NACC1: variants seen among roughly 807,000 people sequenced by gnomAD.
NACC1 encodes nucleus accumbens-associated protein 1.
Under a neutral mutation model 41.7 loss-of-function variants are expected in NACC1, and 6 were observed. That is an observed-to-expected ratio of 0.14 (90% confidence interval 0.08 to 0.28). NACC1 has a LOEUF of 0.28. NACC1 is among the 10% of genes least tolerant of loss of function. NACC1 has a pLI of 1.00. For synonymous variants in NACC1, 338 were observed against 330.6 expected (o/e 1.02, Z -0.24); for missense variants, 434 against 763.7 (o/e 0.57, Z 5.09).
intron 1 of NACC1, among the ~76,000 whole-genome samples, chr19:13,133,373 A>C (rs1319836373): frequency 6.6e-6 from 1 of 151,572 alleles, no homozygotes; most frequent in Non-Finnish European, 1.5e-5. Context: ...AAAAAGAAAA[A>C]AGAATAAACC....
rs757582611 is a variant in NACC1 at position 13,136,210 on chromosome 19, G to A, written c.947-22G>A. 2.6e-5 allele frequency: 41 copies of A among 1,606,842 alleles called. No homozygotes were observed. Among genetic ancestry groups the A allele is most frequent in the Admixed American group, 6.7e-5 (4 of 59,756 alleles). On this transcript the variant is annotated intron_variant, in intron 2 of 5. Transcript: ENST00000292431. This position sits in a 1 kb window ranked among gnomAD's most constrained non-coding sequence, Gnocchi z 5.5. The stretch of plus-strand genomic sequence containing the variant: ...GCCACCCCTGCTCCTCCTGCCACTC[G>A]CGTGCCACTCTCTCCCTGCAGCCGA...
At chr19:13,135,101 G>A (rs1011317050) in intron 1 of NACC1, 99 bp from the exon 2 acceptor site, 2 of 1,441,750 alleles carry the variant, frequency 1.4e-6, no homozygotes, top group Admixed American at 5.7e-5. Flanking sequence ...CCTCCAGCAG[G>A]GGAGGTCTTT....
At position 13,138,556 on chromosome 19, in the gene NACC1, T is replaced by G; in HGVS notation, c.*150T>G. On this transcript the variant is annotated 3_prime_UTR_variant, in exon 6 of 6. Coordinates refer to ENST00000292431, the MANE Select transcript of NACC1 (RefSeq NM_052876.4). The surrounding 1 kb of genome is among the most constrained non-coding windows in gnomAD (Gnocchi z 5.7). ...CCTCTGCCCCTCCTGTCCTACCCCC[T>G]TTCCCCACCGAGAGCTGGGCCGGGA... 2.3e-5 allele frequency: 26 copies of G among 1,116,156 alleles called. No individual in the cohort carries two copies. The highest frequency in any genetic ancestry group is 5.5e-5 in the East Asian group (2 of 36,584). 69.1% of individuals were successfully genotyped at this position (1,116,156 alleles called of 1,614,324 possible).
At chr19:13,124,599 G>A (rs2019539834) in intron 1 of NACC1, among the ~76,000 whole-genome samples, 3 of 152,170 alleles carry the variant, frequency 2.0e-5, no homozygotes, top group Admixed American at 2.0e-4. Flanking sequence ...AGCCCCTACA[G>A]AGGGGTCTTT....
rs2019756334 is a variant in NACC1 at position 13,139,505 on chromosome 19, GGTGT to G, written c.*1102_*1105del. On this transcript the variant is annotated 3_prime_UTR_variant, in exon 6 of 6. Coordinates refer to ENST00000292431, the MANE Select transcript of NACC1 (RefSeq NM_052876.4). ...GGGGCAGGCTGAATGTGTGTGTGTGGGTGTGTATGTGTGGAGTGTGTGTGTGTGT... is the reference window on the plus strand; with the variant it reads ...GGGGCAGGCTGAATGTGTGTGTGTGGGTATGTGTGGAGTGTGTGTGTGTGT... 6.6e-6 allele frequency: 1 copy of G among 152,664 alleles called. No individual in the cohort carries two copies. The allele number at this position is 152,664 out of a possible 1,614,324, so 9.5% of individuals were successfully genotyped here.
In NACC1 at chr19:13,135,899, C is replaced by T; in HGVS notation, c.692C>T (p.Ala231Val). ...CAACAGGCTCCGGTGGTGGCAGCAG[C>T]CCAGCCCGCCGTGGCTGCGGGAGCA... Reference protein sequence around the residue: ...PPQQAPVVAAAQPAVAAGAGQ... With the variant: ...PPQQAPVVAAVQPAVAAGAGQ... Residue 231 changes from alanine to valine, a missense_variant, in exon 2 of 6, where the codon GCC becomes GTC. Around this residue, in one of 4 missense-constraint regions of NACC1, gnomAD observed 234 missense variants for 308.3 expected, o/e 0.76. Coordinates refer to ENST00000292431, the MANE Select transcript of NACC1 (RefSeq NM_052876.4). 1 of 1,560,704 alleles carries T rather than the reference C, an allele frequency of 6.4e-7. No homozygotes were observed. The highest frequency in any genetic ancestry group is 1.2e-5 in the South Asian group (1 of 85,706).
rs200569039 is a variant in NACC1 at position 13,137,254 on chromosome 19, C to T, written c.1121-17C>T. ...TTTGGGGGCACCCCAGGCCATCCTC[C>T]GGCTTCCTCTCACCAGGCACCAACG... On this transcript the variant is annotated splice_polypyrimidine_tract_variant and intron_variant, in intron 3 of 5. Coordinates refer to ENST00000292431, the MANE Select transcript of NACC1 (RefSeq NM_052876.4). This position sits in a 1 kb window ranked among gnomAD's most constrained non-coding sequence, Gnocchi z 6.1. 23 of 1,611,012 alleles carry T rather than the reference C, an allele frequency of 1.4e-5. No individual in the cohort carries two copies. Among genetic ancestry groups the T allele is most frequent in the African/African-American group, 1.2e-4 (9 of 75,044 alleles).
intron 1 of NACC1, among the ~76,000 whole-genome samples, chr19:13,125,104 T>G (rs180896357): frequency 1.4e-3 from 210 of 152,204 alleles, no homozygotes; most frequent in Non-Finnish European, 2.4e-3. Context: ...GACGCTATAG[T>G]GATCCAAGAT....
At chr19:13,123,897 C>T (rs1411656801) in intron 1 of NACC1, among the ~76,000 whole-genome samples, 1 of 152,154 alleles carries the variant, frequency 6.6e-6, no homozygotes, top group Admixed American at 6.5e-5. Context: ...GGGCCTCATT[C>T]CCATCCATGA....
Position 13,140,695 on chromosome 19 carries a change from A to G in NACC1, c.*2289A>G, listed in dbSNP as rs1388017682. ...AAACTCCTCACCAGGAGAGCCAAAG[A>G]CAGGGTTGTGCCTTACCCCAGGAGC... is the stretch of plus-strand genomic sequence containing the variant. On this transcript the variant is annotated 3_prime_UTR_variant, in exon 6 of 6. Transcript: ENST00000292431. The surrounding 1 kb of genome is among the most constrained non-coding windows in gnomAD (Gnocchi z 4.0). The G allele has an allele frequency of 6.6e-6, 1 of 152,412 alleles. No individual in the cohort carries two copies. Among genetic ancestry groups the G allele is most frequent in the Non-Finnish European group, 1.5e-5 (1 of 68,080 alleles). 9.4% of individuals were successfully genotyped at this position (152,412 alleles called of 1,614,324 possible).
chr19:13,117,336 G>T (rs1184588451), upstream of NACC1, among the ~76,000 whole-genome samples: 2 of 152,180 alleles, frequency 1.3e-5, no homozygotes, highest in Non-Finnish European at 2.9e-5. Context: ...AAAATGGGCA[G>T]AACTTTTTTT....
At chr19:13,134,414 A>G (rs1023996547) in intron 1 of NACC1, among the ~76,000 whole-genome samples, 1 of 150,186 alleles carries the variant, frequency 6.7e-6, no homozygotes, top group Non-Finnish European at 1.5e-5. Flanking sequence ...TCTATGCCCC[A>G]GGCTGAAGTG....
chr19:13,118,854 A>G (rs1394735453), intron 1 of NACC1, among the ~76,000 whole-genome samples: 1 of 49,812 alleles, frequency 2.0e-5, no homozygotes, highest in East Asian at 6.8e-4. Context: ...GGAGGAGAGG[A>G]GAGCGGCGCG....
chr19:13,137,650 CAG>C lies in NACC1; in HGVS notation c.1324+80_1324+81del. 7.9e-7 allele frequency: 1 copy of C among 1,262,656 alleles called. No individual in the cohort carries two copies. The highest frequency in any genetic ancestry group is 1.1e-6 in the Non-Finnish European group (1 of 899,540). 78.2% of individuals were successfully genotyped at this position (1,262,656 alleles called of 1,614,324 possible). On this transcript the variant is annotated intron_variant, in intron 5 of 5. Coordinates refer to ENST00000292431, the MANE Select transcript of NACC1 (RefSeq NM_052876.4). This position sits in a 1 kb window ranked among gnomAD's most constrained non-coding sequence, Gnocchi z 6.1. ...GACGTTTTTTCCCAGCCTTGGCTCTCAGAGAGGGCTAGAGTTCAGTGTTGAGA... is the reference window on the plus strand; with the variant it reads ...GACGTTTTTTCCCAGCCTTGGCTCTCAGAGGGCTAGAGTTCAGTGTTGAGA...
At chr19:13,128,826 G>T (rs1011516773) in intron 1 of NACC1, among the ~76,000 whole-genome samples, 1 of 152,236 alleles carries the variant, frequency 6.6e-6, no homozygotes, top group Admixed American at 6.5e-5. Context: ...GAAACCGTGT[G>T]CTGTGCCCTT....
intron 1 of NACC1, among the ~76,000 whole-genome samples, chr19:13,127,158 A>G (rs954288364): frequency 1.2e-4 from 18 of 151,704 alleles, no homozygotes; most frequent in African/African-American, 4.4e-4. Flanking sequence ...ACTCCCAAGA[A>G]GGATAAGTCA....
intron 1 of NACC1, among the ~76,000 whole-genome samples, chr19:13,133,899 A>G (rs1430407266): frequency 6.6e-6 from 1 of 152,070 alleles, no homozygotes; most frequent in African/African-American, 2.4e-5. Flanking sequence ...AAGCAGTGGA[A>G]ATGGGTTCTG....
chr19:13,120,710 G>A (rs930436320), intron 1 of NACC1, among the ~76,000 whole-genome samples: 2 of 152,242 alleles, frequency 1.3e-5, no homozygotes, highest in African/African-American at 4.8e-5. Context: ...GACCTAAGCT[G>A]GGTTGGATAC....
Position 13,138,588 on chromosome 19 carries a change from C to G in NACC1, c.*182C>G. On this transcript the variant is annotated 3_prime_UTR_variant, in exon 6 of 6. Transcript: ENST00000292431. This position sits in a 1 kb window ranked among gnomAD's most constrained non-coding sequence, Gnocchi z 5.7. Reference sequence around the variant, plus strand: ...ACCGAGAGCTGGGCCGGGAGAGGACCGCAGGGCAGGTGGCGTGAGGTCCGT... The same window carrying G: ...ACCGAGAGCTGGGCCGGGAGAGGACGGCAGGGCAGGTGGCGTGAGGTCCGT... 1.1e-6 allele frequency: 1 copy of G among 907,364 alleles called. No homozygotes were observed. The highest frequency in any genetic ancestry group is 1.6e-6 in the Non-Finnish European group (1 of 614,288). 56.2% of individuals were successfully genotyped at this position (907,364 alleles called of 1,614,324 possible). A position where few individuals can be genotyped will look rare whatever the true frequency, so the allele number is the denominator to read the frequency against.
Sources: allele counts gnomAD v4.1 joint callset (sites outside exome capture counted in the v4.1 genomes callset), GRCh38; gene constraint gnomAD v4.1.1; regional missense constraint gnomAD v4.1.1; non-coding constraint Gnocchi (gnomAD v3.1); transcripts MANE v1.5; gene names NCBI Gene and HGNC (gene_info 2026-07-23, HGNC 2026-07-21).